The following PDE9A variants were observed in gnomAD, a reference collection of about 807,000 sequenced individuals.
The protein encoded by PDE9A is high affinity cGMP-specific 3',5'-cyclic phosphodiesterase 9A.
A neutral mutation model predicts 87.4 loss-of-function variants in PDE9A; 60 were observed. The ratio of observed to expected loss-of-function variants is 0.69; its 90% CI spans 0.56 to 0.85. The LOEUF is 0.85. Among genes scored for constraint, PDE9A ranks in the 40% least tolerant of loss-of-function variants. The pLI, the probability that PDE9A is intolerant of heterozygous loss-of-function variation, is 0.00. For missense variants in PDE9A, 665 were observed against 779.0 expected (o/e 0.85, Z 1.74); for synonymous variants, 272 against 279.4 (o/e 0.97, Z 0.27).
At chr21:42,728,697 C>G (rs922448770) in intron 4 of PDE9A, among the ~76,000 whole-genome samples, 1 of 151,718 alleles carries the variant, frequency 6.6e-6, no homozygotes, top group Non-Finnish European at 1.5e-5. Flanking sequence ...AGGGTAATAC[C>G]AACTTCATAA....
chr21:42,714,387 A>T (rs897254428), intron 4 of PDE9A, among the ~76,000 whole-genome samples: 2 of 152,206 alleles, frequency 1.3e-5, no homozygotes, highest in African/African-American at 4.8e-5. Flanking sequence ...TCGCACCCAG[A>T]TGGTGAGCAG....
At chr21:42,754,153 CCTT>C (rs1301324624) in intron 10 of PDE9A, 89 bp downstream of exon 10, 11 of 712,614 alleles carry the variant, frequency 1.5e-5, no homozygotes, top group South Asian at 3.2e-5. Flanking sequence ...CGCTCTTCCT[CCTT>C]CTTGCTTTTT....
chr21:42,721,242 C>G (rs2146586719), intron 4 of PDE9A, among the ~76,000 whole-genome samples: 1 of 152,252 alleles, frequency 6.6e-6, no homozygotes, highest in African/African-American at 2.4e-5. Context: ...GTAAACGATA[C>G]AAAATGTGAA....
At chr21:42,716,747 CTTTTT>C (rs60104683) in intron 4 of PDE9A, among the ~76,000 whole-genome samples, 3 of 94,256 alleles carry the variant, frequency 3.2e-5, no homozygotes, top group South Asian at 4.3e-4. Context: ...TTATAATTTC[CTTTTT>C]TTTTTTTTTT....
chr21:42,669,983 A>G (rs945791972), intron 1 of PDE9A, among the ~76,000 whole-genome samples: 19 of 150,454 alleles, frequency 1.3e-4, no homozygotes, highest in African/African-American at 4.4e-4. Context: ...AGGATCCAAG[A>G]TAATGTGGGT....
intron 14 of PDE9A, among the ~76,000 whole-genome samples, chr21:42,763,603 T>C (rs2056052797): frequency 6.6e-6 from 1 of 152,182 alleles, no homozygotes; most frequent in Non-Finnish European, 1.5e-5. Context: ...AATGAGTTTG[T>C]TGTTTTAAGC....
intron 2 of PDE9A, among the ~76,000 whole-genome samples, chr21:42,687,630 T>TA (rs1000468367): frequency 7.2e-5 from 11 of 152,152 alleles, no homozygotes; most frequent in African/African-American, 1.4e-4. Context: ...CACAGTTTTT[T>TA]AAAAAAAATC....
chr21:42,669,370 G>A (rs186055912), intron 1 of PDE9A, among the ~76,000 whole-genome samples: 4 of 152,216 alleles, frequency 2.6e-5, no homozygotes, highest in African/African-American at 9.6e-5. Flanking sequence ...CCCTGCCTGC[G>A]GGGTCTTAGA....
intron 14 of PDE9A, among the ~76,000 whole-genome samples, chr21:42,762,850 G>A (rs1189810006): frequency 6.6e-6 from 1 of 152,106 alleles, no homozygotes; most frequent in Non-Finnish European, 1.5e-5. Context: ...GCGCCACCAA[G>A]CCGGCTAATT....
Position 42,759,754 on chromosome 21 carries a change from G to T in PDE9A, c.898-574G>T, listed in dbSNP as rs79246564. On this transcript the variant is annotated intron_variant, in intron 11 of 19. Transcript: ENST00000291539. The surrounding 1 kb of genome is among the most constrained non-coding windows in gnomAD (Gnocchi z 7.2). The stretch of plus-strand genomic sequence containing the variant: ...TGTGCATGTGTGTATCTGTGGATGT[G>T]AGGTGTGTGTGCATGTGTGTATCTG... Among the ~76,000 whole-genome samples, 1,593 of 150,142 alleles carry T rather than the reference G, an allele frequency of 0.011. 28 individuals carry two copies. Among genetic ancestry groups the T allele is most frequent in the African/African-American group, 0.037 (1,520 of 40,750 alleles).
intron 4 of PDE9A, among the ~76,000 whole-genome samples, chr21:42,719,563 C>T (rs1322110938): frequency 6.7e-6 from 1 of 149,882 alleles, no homozygotes; most frequent in East Asian, 1.9e-4. Flanking sequence ...TCCCTTGAAC[C>T]TGGGAGCCAG....
rs892536589 is a variant in PDE9A, at chr21:42,659,539, G to A, written c.69+5656G>A. 2.0e-5 allele frequency among the ~76,000 whole-genome samples: 3 copies of A among 152,246 alleles called. No individual in the cohort carries two copies. The highest frequency in any genetic ancestry group is 7.2e-5 in the African/African-American group (3 of 41,454). The stretch of plus-strand genomic sequence containing the variant: ...TTCCAGAGCAGGGCAGGGCATGTGG[G>A]GAGGCTCAGGAATGCCACCCTTGCC... On this transcript the variant is annotated intron_variant, in intron 1 of 19. Coordinates refer to ENST00000291539, the MANE Select transcript of PDE9A (RefSeq NM_002606.3). The surrounding 1 kb of genome is among the most constrained non-coding windows in gnomAD (Gnocchi z 4.1).
chr21:42,664,147 G>T (rs549588373), intron 1 of PDE9A, among the ~76,000 whole-genome samples: 1 of 152,242 alleles, frequency 6.6e-6, no homozygotes, highest in African/African-American at 2.4e-5. Flanking sequence ...AGAGAAAGCT[G>T]GGGGTTTAGT....
Position 42,751,186 on chromosome 21 carries a change from A to G in PDE9A, c.724A>G (p.Thr242Ala), listed in dbSNP as rs535412215. The G allele has an allele frequency of 3.5e-5, 56 of 1,610,010 alleles. 2 individuals carry two copies. The Admixed American group carries it at 9.0e-4, about 26-fold the overall frequency. ...GTTGACTCCTCGACGCGATGTTCCCACTTACCCCAAGGTAAGATGAGATTC... is the reference window on the plus strand; with the variant it reads ...GTTGACTCCTCGACGCGATGTTCCCGCTTACCCCAAGGTAAGATGAGATTC... ...KKLTPRRDVP[T>A]YPKYLLSPET... is the part of the protein sequence containing the mutation. The change falls in exon 9 of 20, where the codon ACT becomes GCT. Residue 242 changes from threonine (T) to alanine (A), a missense_variant. Thr to Ala is a moderately conservative substitution (Grantham distance 58, BLOSUM62 0). Transcript: ENST00000291539.
chr21:42,686,057 C>A (rs73229552), intron 1 of PDE9A, 135 bp from the exon 2 acceptor site: 1,404 of 639,264 alleles, frequency 2.2e-3, no homozygotes, highest in Non-Finnish European at 3.1e-3. Flanking sequence ...CTGTGACATT[C>A]CCGTGCGTAG....
At chr21:42,762,764 C>T (rs1239215280) in intron 14 of PDE9A, among the ~76,000 whole-genome samples, 1 of 152,180 alleles carries the variant, frequency 6.6e-6, no homozygotes, top group African/African-American at 2.4e-5. Flanking sequence ...AGGATCTCGG[C>T]TCACTGCAAC....
chr21:42,724,980 G>T (rs895760666), intron 4 of PDE9A, among the ~76,000 whole-genome samples: 1 of 152,186 alleles, frequency 6.6e-6, no homozygotes, highest in African/African-American at 2.4e-5. Flanking sequence ...TTGAAGCAAG[G>T]ATAGGTTCAC....
intron 1 of PDE9A, among the ~76,000 whole-genome samples, chr21:42,661,034 A>ATT (rs34710059): frequency 0.21 from 30,473 of 144,494 alleles, 3,292 homozygotes; most frequent in Non-Finnish European, 0.24. Context: ...TTCTCTGCCA[A>ATT]TTTTTTTTTT....
At chr21:42,751,895 C>T (rs951630196) in intron 9 of PDE9A, among the ~76,000 whole-genome samples, 3 of 152,012 alleles carry the variant, frequency 2.0e-5, no homozygotes, top group East Asian at 1.9e-4. Context: ...TACAGGTGCC[C>T]GTCACCATGC....
Sources: allele counts gnomAD v4.1 joint callset (sites outside exome capture counted in the v4.1 genomes callset), GRCh38; gene constraint gnomAD v4.1.1; non-coding constraint Gnocchi (gnomAD v3.1); transcripts MANE v1.5; gene names NCBI Gene and HGNC (gene_info 2026-07-23, HGNC 2026-07-21).